The following KHDRBS2 variants were observed in gnomAD, a reference collection of about 807,000 sequenced individuals.
KHDRBS2 encodes KH domain-containing, RNA-binding, signal transduction-associated protein 2.
KHDRBS2 carries 26 observed loss-of-function variants against 44.3 expected under a neutral mutation model. That is an observed-to-expected ratio of 0.59 (90% CI 0.43 to 0.81). The LOEUF (loss-of-function observed/expected upper bound fraction) is 0.81, where lower values mean the gene tolerates loss of function less well. Among genes scored for constraint, KHDRBS2 ranks in the 40% least tolerant of loss-of-function variants. KHDRBS2 has a pLI of 0.00. For missense variants in KHDRBS2, 476 were observed against 433.1 expected (o/e 1.10, Z -0.88); for synonymous variants, 194 against 151.1 (o/e 1.28, Z -2.08).
At chr6:61,768,439 C>A (rs1376199636) in intron 6 of KHDRBS2, among the ~76,000 whole-genome samples, 2 of 152,064 alleles carry the variant, frequency 1.3e-5, no homozygotes, top group African/African-American at 4.8e-5. Flanking sequence ...TTTGAATATA[C>A]TTACTACACC....
intron 3 of KHDRBS2, among the ~76,000 whole-genome samples, chr6:61,978,884 C>T (rs1773269831): frequency 6.6e-6 from 1 of 152,020 alleles, no homozygotes; most frequent in African/African-American, 2.4e-5. Flanking sequence ...ACCAATAATA[C>T]TAGGTTGGTG....
At chr6:61,894,515 A>T (rs1562387560) in intron 6 of KHDRBS2, 120 bp downstream of exon 6, 6 of 767,062 alleles carry the variant, frequency 7.8e-6, no homozygotes, top group Non-Finnish European at 1.3e-5. Flanking sequence ...GTTGTAAATG[A>T]CATTCGTTTC....
intron 2 of KHDRBS2, among the ~76,000 whole-genome samples, chr6:62,060,324 A>T (rs1366494814): frequency 6.6e-6 from 1 of 151,790 alleles, no homozygotes; most frequent in African/African-American, 2.4e-5. Context: ...TGGTATGATT[A>T]ACATTTACAT....
rs61149139 is a variant in KHDRBS2 at position 61,882,664 on chromosome 6, T to C, written c.810+11971A>G. ...CAAAGAACATCTACAGCATCCCTAG[T>C]AAAAGCCTTTGGATCATAAGATATT... On this transcript the variant is annotated intron_variant, in intron 6 of 8. Coordinates refer to ENST00000281156, the MANE Select transcript of KHDRBS2 (RefSeq NM_152688.4). Among the ~76,000 whole-genome samples, 13 of 152,100 alleles carry C rather than the reference T, an allele frequency of 8.5e-5. No individual in the cohort carries two copies. In the South Asian group the frequency reaches 1.0e-3, roughly 12 times the overall value.
chr6:62,040,647 C>T (rs1786277595), intron 3 of KHDRBS2, among the ~76,000 whole-genome samples: 1 of 152,082 alleles, frequency 6.6e-6, no homozygotes, highest in Non-Finnish European at 1.5e-5. Flanking sequence ...AGTAGGACTG[C>T]CCACTGGCAC....
At chr6:62,262,325 T>G (rs1285762703) in intron 1 of KHDRBS2, among the ~76,000 whole-genome samples, 1 of 151,816 alleles carries the variant, frequency 6.6e-6, no homozygotes, top group Non-Finnish European at 1.5e-5. Flanking sequence ...AATCGTGCAT[T>G]TCCAGCACTT....
At chr6:61,749,772 C>T (rs1460386208) in intron 6 of KHDRBS2, among the ~76,000 whole-genome samples, 2 of 152,132 alleles carry the variant, frequency 1.3e-5, no homozygotes, top group African/African-American at 4.8e-5. Context: ...CGAACAATAT[C>T]TAAGAGCAAT....
At chr6:62,106,987 T>A (rs545398489) in intron 2 of KHDRBS2, among the ~76,000 whole-genome samples, 23 of 152,238 alleles carry the variant, frequency 1.5e-4, no homozygotes, top group South Asian at 1.2e-3. Context: ...GCCAATATCA[T>A]ACTGAATGGG....
intron 2 of KHDRBS2, among the ~76,000 whole-genome samples, chr6:62,147,742 G>A (rs1814247979): frequency 6.6e-6 from 1 of 151,930 alleles, no homozygotes; most frequent in East Asian, 1.9e-4. Context: ...TTGTTAAGAA[G>A]GGCCGTGTAT....
At chr6:61,548,057 C>T in the KHDRBS2 span, among the ~76,000 whole-genome samples, 1 of 152,040 alleles carries the variant, frequency 6.6e-6, no homozygotes, top group African/African-American at 2.4e-5. Context: ...AGAATTTACA[C>T]ATCAATATTT....
chr6:61,890,736 C>T (rs575709841), intron 6 of KHDRBS2, among the ~76,000 whole-genome samples: 1 of 152,318 alleles, frequency 6.6e-6, no homozygotes, highest in Non-Finnish European at 1.5e-5. Context: ...TTATTTTTCA[C>T]ATACTATGTC....
chr6:61,834,056 G>A (rs1386006292), intron 6 of KHDRBS2, among the ~76,000 whole-genome samples: 1 of 152,018 alleles, frequency 6.6e-6, no homozygotes, highest in Non-Finnish European at 1.5e-5. Flanking sequence ...TTTCTAAATG[G>A]AAAATCATTT....
intron 1 of KHDRBS2, among the ~76,000 whole-genome samples, chr6:62,246,102 T>TTATATATA (rs150717074): frequency 0.02 from 2,506 of 124,074 alleles, 28 homozygotes; most frequent in Admixed American, 0.031. Context: ...TCAATCAATT[T>TTATATATA]TATATATATA....
At chr6:61,712,274 A>G (rs1290045031) in intron 7 of KHDRBS2, among the ~76,000 whole-genome samples, 1 of 151,884 alleles carries the variant, frequency 6.6e-6, no homozygotes, top group Non-Finnish European at 1.5e-5. Context: ...AAAGGTCATG[A>G]AAGTAGGGAG....
chr6:61,760,146 T>C (rs577349920), intron 6 of KHDRBS2, among the ~76,000 whole-genome samples: 3 of 152,338 alleles, frequency 2.0e-5, no homozygotes, highest in Non-Finnish European at 4.4e-5. Flanking sequence ...CAATTATACA[T>C]TGTGCTAAAC....
At chr6:62,184,469 G>A (rs1209670933) in intron 1 of KHDRBS2, among the ~76,000 whole-genome samples, 3 of 151,610 alleles carry the variant, frequency 2.0e-5, no homozygotes, top group African/African-American at 7.3e-5. Context: ...AGTTCAAAGA[G>A]CATATATAAT....
intron 3 of KHDRBS2, among the ~76,000 whole-genome samples, chr6:61,980,478 G>T (rs572007992): frequency 6.6e-6 from 1 of 152,148 alleles, no homozygotes; most frequent in Non-Finnish European, 1.5e-5. Context: ...AAAAATTGTA[G>T]AAGTTTTATA....
At chr6:62,123,431 G>A (rs1206191193) in intron 2 of KHDRBS2, among the ~76,000 whole-genome samples, 4 of 152,150 alleles carry the variant, frequency 2.6e-5, no homozygotes, top group Non-Finnish European at 5.9e-5. Flanking sequence ...GGATGGCTGC[G>A]TCAAACAGTA....
At chr6:61,568,784 A>G in the KHDRBS2 span, among the ~76,000 whole-genome samples, 1 of 152,230 alleles carries the variant, frequency 6.6e-6, no homozygotes, top group East Asian at 1.9e-4. Flanking sequence ...AGCCCAGGGA[A>G]GCCATCCCTG....
Sources: allele counts gnomAD v4.1 joint callset (sites outside exome capture counted in the v4.1 genomes callset), GRCh38; gene constraint gnomAD v4.1.1; transcripts MANE v1.5; gene names NCBI Gene and HGNC (gene_info 2026-07-23, HGNC 2026-07-21).